ARHGAP10: variants seen among roughly 807,000 people sequenced by gnomAD.
The protein encoded by ARHGAP10 is Rho GTPase activating protein 10.
Under a neutral mutation model 108.6 loss-of-function variants are expected in ARHGAP10, and 87 were observed. The ratio of observed to expected loss-of-function variants is 0.80; its 90% CI spans 0.67 to 0.96. The LOEUF is 0.96. Ranked by LOEUF, ARHGAP10 falls within the 40% of genes least tolerant of loss-of-function variation. The pLI is 0.00. For missense variants in ARHGAP10, 939 were observed against 954.5 expected (o/e 0.98, Z 0.21); for synonymous variants, 347 against 341.1 (o/e 1.02, Z -0.19).
chr4:147,936,923 C>T (rs1451998980), intron 13 of ARHGAP10, among the ~76,000 whole-genome samples: 3 of 152,178 alleles, frequency 2.0e-5, no homozygotes, highest in African/African-American at 7.2e-5. Context: ...GCCTCAGCTC[C>T]GCCTCCTGTC....
rs148419453 is a variant in ARHGAP10, at chr4:147,958,281, G to A, written c.1450+2907G>A. Among the ~76,000 whole-genome samples the A allele has an allele frequency of 9.9e-4, 151 of 152,300 alleles. 1 individual carries two copies. Among genetic ancestry groups the A allele is most frequent in the African/African-American group, 3.4e-3 (141 of 41,582 alleles). On this transcript the variant is annotated intron_variant, in intron 16 of 22. Coordinates refer to ENST00000336498, the MANE Select transcript of ARHGAP10 (RefSeq NM_024605.4). Reference sequence around the variant, plus strand: ...GGGTTGGAGTCATGGTGCTTAGTACGAGAATGACAACTAAAGGCTGAATGC... The same window carrying A: ...GGGTTGGAGTCATGGTGCTTAGTACAAGAATGACAACTAAAGGCTGAATGC...
At chr4:148,040,667 A>G (rs1474881080) in intron 19 of ARHGAP10, among the ~76,000 whole-genome samples, 1 of 152,110 alleles carries the variant, frequency 6.6e-6, no homozygotes, top group Non-Finnish European at 1.5e-5. Flanking sequence ...TTAAATGTCT[A>G]GGTGGTTCTG....
At chr4:147,765,069 G>A (rs946896832) in intron 1 of ARHGAP10, among the ~76,000 whole-genome samples, 3 of 152,098 alleles carry the variant, frequency 2.0e-5, no homozygotes, top group South Asian at 4.1e-4. Context: ...GTAGGTGTTC[G>A]TAGATTCCAA....
rs1243547486 is a variant in ARHGAP10 at position 148,046,984 on chromosome 4, C to T, written c.1960C>T (p.Pro654Ser). Residue 654 changes from proline (P) to serine (S), a missense_variant, in exon 20 of 23, where the codon CCT becomes TCT. Pro to Ser is a moderately conservative substitution (Grantham distance 74). Transcript: ENST00000336498. The part of the protein sequence containing the change: ...PSPVTTAVPG[P>S]PGPDKNHLLA... ...TCCCGTGACTACAGCTGTCCCTGGG[C>T]CTCCTGGACCAGACAAAAACCACCT... is the stretch of plus-strand genomic sequence containing the variant. 2 of 1,614,126 alleles carry T rather than the reference C, an allele frequency of 1.2e-6. No individual in the cohort carries two copies. The highest frequency in any genetic ancestry group is 2.2e-5 in the East Asian group (1 of 44,884).
chr4:148,064,740 A>G (rs1041727203), intron 22 of ARHGAP10, among the ~76,000 whole-genome samples: 100 of 146,556 alleles, frequency 6.8e-4, no homozygotes, highest in Middle Eastern at 7.2e-3. Flanking sequence ...GACCCATCTC[A>G]TCTTGTGGGT....
At chr4:147,946,764 A>C in intron 15 of ARHGAP10, 60 bp downstream of exon 15, 1 of 1,312,314 alleles carries the variant, frequency 7.6e-7, no homozygotes, top group East Asian at 2.5e-5. Flanking sequence ...AACATAAAAC[A>C]GATGCCAATT....
At chr4:148,043,734 G>T (rs1426239244) in intron 19 of ARHGAP10, among the ~76,000 whole-genome samples, 1 of 131,852 alleles carries the variant, frequency 7.6e-6, no homozygotes, top group Non-Finnish European at 1.6e-5. Flanking sequence ...ATATATATAT[G>T]TGTATATATA....
chr4:147,881,767 A>G, intron 9 of ARHGAP10, 71 bp from the exon 10 acceptor site: 1 of 1,389,034 alleles, frequency 7.2e-7, no homozygotes, highest in South Asian at 1.2e-5. Flanking sequence ...CCTGCTCTCC[A>G]GTATAGAATG....
intron 8 of ARHGAP10, among the ~76,000 whole-genome samples, chr4:147,876,571 T>C (rs965845573): frequency 5.3e-5 from 8 of 151,966 alleles, no homozygotes; most frequent in African/African-American, 1.9e-4. Flanking sequence ...CCAGCCTGGG[T>C]GACAAAGCAA....
intron 10 of ARHGAP10, among the ~76,000 whole-genome samples, chr4:147,901,798 C>G (rs1452319087): frequency 6.6e-6 from 1 of 152,156 alleles, no homozygotes; most frequent in East Asian, 1.9e-4. Context: ...GTCATTCTTC[C>G]TGTCCAGCAT....
intron 3 of ARHGAP10, among the ~76,000 whole-genome samples, chr4:147,827,730 A>G (rs1434949263): frequency 6.6e-6 from 1 of 152,212 alleles, no homozygotes. Context: ...TTAAGAAAGG[A>G]ATGCAAAATG....
chr4:147,964,965 A>C, intron 16 of ARHGAP10, 59 bp from the exon 17 acceptor site: 2 of 1,197,366 alleles, frequency 1.7e-6, no homozygotes, highest in Admixed American at 2.7e-5. Flanking sequence ...TGAGTTCTCT[A>C]TTAACTATTG....
chr4:147,801,957 T>C lies in ARHGAP10; in HGVS notation c.155-20770T>C, dbSNP rs538959840. ...CTCATCCCAAAACTCTTTGGATGTC[T>C]GGGATGGGAGGCATTGATTTCTCTC... On this transcript the variant is annotated intron_variant, in intron 1 of 22. Transcript: ENST00000336498. Among the ~76,000 whole-genome samples, 190 of 152,312 alleles carry C rather than the reference T, an allele frequency of 1.2e-3. 2 individuals are homozygous for C. The highest frequency in any genetic ancestry group is 7.8e-4 in the Admixed American group (12 of 15,304).
At chr4:148,033,735 A>G (rs758304707) in intron 19 of ARHGAP10, among the ~76,000 whole-genome samples, 7 of 152,208 alleles carry the variant, frequency 4.6e-5, no homozygotes, top group Non-Finnish European at 7.3e-5. Flanking sequence ...GGACTGAGAA[A>G]CAGAGTCTAG....
At chr4:147,798,376 A>G (rs1056425794) in intron 1 of ARHGAP10, among the ~76,000 whole-genome samples, 1 of 152,198 alleles carries the variant, frequency 6.6e-6, no homozygotes, top group South Asian at 2.1e-4. Flanking sequence ...CTCTGAAGTT[A>G]GAGGTCATCT....
chr4:147,870,053 A>ATTTGTT (rs1272551514), intron 7 of ARHGAP10, among the ~76,000 whole-genome samples: 1 of 132,836 alleles, frequency 7.5e-6, no homozygotes, highest in Non-Finnish European at 1.6e-5. Flanking sequence ...TGTTTCATTT[A>ATTTGTT]TTTGTTTGTT....
chr4:147,967,494 G>T (rs553524564), intron 18 of ARHGAP10, among the ~76,000 whole-genome samples: 184 of 152,296 alleles, frequency 1.2e-3, no homozygotes, highest in Non-Finnish European at 1.9e-3. Context: ...TGGTGGATGG[G>T]GTTGACCCAG....
At position 148,064,515 on chromosome 4, in the gene ARHGAP10, T is replaced by G; in HGVS notation, c.2272+8T>G. On this transcript the variant is annotated splice_region_variant and intron_variant, in intron 22 of 22. Coordinates refer to ENST00000336498, the MANE Select transcript of ARHGAP10 (RefSeq NM_024605.4). ...GAGCAATTTTTGAGGATGGTAAGTG[T>G]TAGTGGGAGCTTCGTCTGTTAATCC... 2 of 1,611,972 alleles carry G rather than the reference T, an allele frequency of 1.2e-6. No homozygotes were observed. The highest frequency in any genetic ancestry group is 1.7e-6 in the Non-Finnish European group (2 of 1,178,046).
At chr4:148,025,004 A>T (rs373977013) in intron 19 of ARHGAP10, among the ~76,000 whole-genome samples, 1 of 152,218 alleles carries the variant, frequency 6.6e-6, no homozygotes, top group African/African-American at 2.4e-5. Flanking sequence ...TGGTCTTAGG[A>T]TCACGTCTAC....
Sources: gnomAD v4.1 joint callset for allele counts (sites outside exome capture counted in the v4.1 genomes callset) on GRCh38, gnomAD v4.1.1 for gene constraint, MANE v1.5 for transcripts, NCBI Gene and HGNC (gene_info 2026-07-23, HGNC 2026-07-21) for gene names.